The following DHX8 variants were observed in gnomAD, a reference collection of about 807,000 sequenced individuals.
The protein encoded by DHX8 is DEAH-box helicase 8, also known as ATP-dependent RNA helicase DHX8.
In DHX8, 67 loss-of-function variants were observed where a neutral mutation model predicts 140.7. The ratio of observed to expected loss-of-function variants is 0.48; its 90% CI spans 0.39 to 0.58. The LOEUF is 0.58. DHX8 is among the 20% of genes least tolerant of loss of function. The probability of loss-of-function intolerance (pLI) is 0.00; values close to 1 mark genes in which losing one functional copy is unlikely to be tolerated. For synonymous variants in DHX8, 533 were observed against 553.2 expected (o/e 0.96, Z 0.51); for missense variants, 887 against 1,550.7 (o/e 0.57, Z 7.19).
chr17:43,510,817 AC>A (rs1969784983), intron 16 of DHX8, among the ~76,000 whole-genome samples: 1 of 151,838 alleles, frequency 6.6e-6, no homozygotes, highest in Non-Finnish European at 1.5e-5. Context: ...GAAACCACTA[AC>A]CTATATCTTC....
intron 5 of DHX8, 128 bp downstream of exon 5, chr17:43,492,420 C>A: frequency 1.4e-6 from 1 of 700,884 alleles, no homozygotes; most frequent in Non-Finnish European, 2.5e-6. Context: ...ATTGTTGGAT[C>A]TGTTTTCATT....
chr17:43,489,842 G>A (rs1871337), intron 2 of DHX8, among the ~76,000 whole-genome samples: 33,920 of 151,950 alleles, frequency 0.22, 4,016 homozygotes, highest in East Asian at 0.32. Context: ...CACCCGCCTC[G>A]GCCTTCCAAA....
At chr17:43,499,278 A>T (rs1354323184) in intron 10 of DHX8, among the ~76,000 whole-genome samples, 1 of 152,070 alleles carries the variant, frequency 6.6e-6, no homozygotes, top group Non-Finnish European at 1.5e-5. Context: ...ATTTTGAAGG[A>T]TTTACTTGAG....
chr17:43,502,810 C>A (rs745473504), intron 11 of DHX8, among the ~76,000 whole-genome samples: 1 of 152,062 alleles, frequency 6.6e-6, no homozygotes, highest in Non-Finnish European at 1.5e-5. Context: ...TGGACATATT[C>A]GTTCATTGTT....
Position 43,523,644 on chromosome 17 carries a change from C to T in DHX8, c.3460C>T (p.Leu1154=). ...RQPEWVVYHE[L]VLTTKEYMRE... ...CCCCCTCAGGGTGGTGTACCATGAGCTGGTGCTCACCACCAAGGAATACAT... is the reference window on the plus strand; with the variant it reads ...CCCCCTCAGGGTGGTGTACCATGAGTTGGTGCTCACCACCAAGGAATACAT... The change falls in exon 23 of 23, where the codon CTG becomes TTG. Residue 1154 remains leucine, a synonymous_variant. Coordinates refer to ENST00000262415, the MANE Select transcript of DHX8 (RefSeq NM_004941.3). The T allele has an allele frequency of 6.2e-7, 1 of 1,614,106 alleles. No individual in the cohort carries two copies. Among genetic ancestry groups the T allele is most frequent in the Admixed American group, 1.7e-5 (1 of 60,018 alleles).
intron 1 of DHX8, among the ~76,000 whole-genome samples, chr17:43,486,747 G>A (rs1324486351): frequency 6.6e-6 from 1 of 151,840 alleles, no homozygotes; most frequent in African/African-American, 2.4e-5. Flanking sequence ...GCGTGGTGGT[G>A]CACGCCTGTA....
chr17:43,544,739 C>G (rs1374585179), downstream of DHX8: 11 of 479,226 alleles, frequency 2.3e-5, no homozygotes, highest in Non-Finnish European at 4.2e-5. Context: ...CTGATTCATC[C>G]TCAAGCCTAG....
At chr17:43,511,456 A>ATTTTCTTTTTTTTT (rs1969822523) in intron 16 of DHX8, among the ~76,000 whole-genome samples, 1 of 56,790 alleles carries the variant, frequency 1.8e-5, no homozygotes, top group Non-Finnish European at 2.9e-5. Context: ...TGATCCCAGC[A>ATTTTCTTTTTTTTT]TTTTTTTTTT....
chr17:43,501,215 C>A lies in DHX8; in HGVS notation c.1546+1112C>A, dbSNP rs894219828. 2.0e-5 allele frequency among the ~76,000 whole-genome samples: 3 copies of A among 152,108 alleles called. No homozygotes were observed. In the South Asian group the frequency reaches 6.2e-4, roughly 32 times the overall value. On this transcript the variant is annotated intron_variant, in intron 11 of 22. Coordinates refer to ENST00000262415, the MANE Select transcript of DHX8 (RefSeq NM_004941.3). ...TGGTGGGTCACTTCCCTGGGGAAAT[C>A]GAGACCCAAAGGATAAATTGGACTC...
downstream of DHX8, chr17:43,529,867 A>G (rs760066264): frequency 5.0e-6 from 8 of 1,613,912 alleles, no homozygotes; most frequent in Admixed American, 1.7e-5. Context: ...CCTCCCATCA[A>G]CAGTCACTTC....
chr17:43,502,312 G>A (rs1969239948), intron 11 of DHX8, among the ~76,000 whole-genome samples: 1 of 152,200 alleles, frequency 6.6e-6, no homozygotes, highest in Non-Finnish European at 1.5e-5. Flanking sequence ...CAACACTTTG[G>A]GAGGCCGAGG....
intron 3 of DHX8, among the ~76,000 whole-genome samples, chr17:43,536,703 A>G (rs1186635462): frequency 1.3e-5 from 2 of 152,270 alleles, no homozygotes; most frequent in African/African-American, 4.8e-5. Flanking sequence ...AAATCTCATA[A>G]TGTTTTAAGA....
chr17:43,500,804 G>A (rs996760996), intron 11 of DHX8, among the ~76,000 whole-genome samples: 2 of 151,894 alleles, frequency 1.3e-5, no homozygotes, highest in Non-Finnish European at 2.9e-5. Flanking sequence ...CCAGCTACTC[G>A]AGAGACTGAG....
chr17:43,526,372 T>C (rs1970616994), downstream of DHX8: 1 of 1,481,104 alleles, frequency 6.8e-7, no homozygotes, highest in Non-Finnish European at 9.0e-7. Context: ...AGTGTGCTGT[T>C]TGTGTATATG....
At chr17:43,528,685 AAAGAG>A, downstream of DHX8, 2 of 1,614,176 alleles carry the variant, frequency 1.2e-6, no homozygotes, top group Non-Finnish European at 1.7e-6. Flanking sequence ...CGGGAAGGCC[AAAGAG>A]AAGAGGGCCT....
chr17:43,537,190 A>G (rs901880001), intron 3 of DHX8, among the ~76,000 whole-genome samples: 136 of 151,864 alleles, frequency 9.0e-4, no homozygotes, highest in African/African-American at 3.2e-3. Flanking sequence ...ACATGACGAA[A>G]CCCCATCTTT....
rs796640533 is a variant in DHX8 at position 43,533,483 on chromosome 17, A to G, written c.351-2929A>G. ...TAGAGGGGGCTGAGAAGGGAACGGC[A>G]GGAGCCACAGACTCAGCCCTAGCCA... is the stretch of plus-strand genomic sequence containing the variant. On this transcript the variant is annotated intron_variant, in intron 2 of 3. Coordinates refer to the DHX8 transcript ENST00000589898. 4.4e-5 allele frequency: 37 copies of G among 832,330 alleles called. No individual in the cohort carries two copies. In the African/African-American group the frequency reaches 5.8e-4, roughly 13 times the overall value. 51.6% of individuals were successfully genotyped at this position (832,330 alleles called of 1,614,324 possible).
Position 43,521,545 on chromosome 17 carries a change from G to A in DHX8, c.3243G>A (p.Gln1081=). The change falls in exon 21 of 23, where the codon CAG becomes CAA. Residue 1081 remains glutamine (Q), a synonymous_variant. Coordinates refer to ENST00000262415, the MANE Select transcript of DHX8 (RefSeq NM_004941.3). ...SLRRAQDIRK[Q]MLGIMDRHKL... ...GCCGGGCCCAGGACATTCGCAAGCA[G>A]ATGTTAGGCATAATGGACAGGTAAG... 4 of 1,612,646 alleles carry A rather than the reference G, an allele frequency of 2.5e-6. No individual in the cohort carries two copies. The highest frequency in any genetic ancestry group is 3.4e-6 in the Non-Finnish European group (4 of 1,178,968).
At position 43,488,763 on chromosome 17, in the gene DHX8, A is replaced by G. The variant is rs187948007; in HGVS notation, c.149-686A>G. 2.1e-3 allele frequency among the ~76,000 whole-genome samples: 317 copies of G among 152,124 alleles called. 2 individuals carry two copies. The highest frequency in any genetic ancestry group is 7.1e-3 in the African/African-American group (296 of 41,470). ...CTGTTGTGTGCCTCTGTGTGTCTAC[A>G]TGGGCTCATGCTTTTTATTGTCACC... On this transcript the variant is annotated intron_variant, in intron 1 of 22. Transcript: ENST00000262415.
Sources: gnomAD v4.1 joint callset for allele counts (sites outside exome capture counted in the v4.1 genomes callset) on GRCh38, gnomAD v4.1.1 for gene constraint, MANE v1.5 for transcripts, NCBI Gene and HGNC (gene_info 2026-07-23, HGNC 2026-07-21) for gene names.